Variants in DOCK2 observed in about 807,000 individuals in gnomAD.
DOCK2 encodes dedicator of cytokinesis protein 2.
DOCK2 carries 87 observed loss-of-function variants against 248.9 expected under a neutral mutation model. That is an observed-to-expected ratio of 0.35 (90% CI 0.29 to 0.42). The LOEUF (loss-of-function observed/expected upper bound fraction) is 0.42, where lower values mean the gene tolerates loss of function less well. Ranked by LOEUF, DOCK2 falls within the 10% of genes least tolerant of loss-of-function variation. The pLI, the probability that DOCK2 is intolerant of heterozygous loss-of-function variation, is 1.00. For synonymous variants in DOCK2, 805 were observed against 821.6 expected, an observed-to-expected ratio of 0.98 and a Z score of 0.35; for missense variants, 1,747 against 2,300.2, an observed-to-expected ratio of 0.76 and a Z score of 4.92.
chr5:169,838,634 G>A (rs1024841783), intron 26 of DOCK2, among the ~76,000 whole-genome samples: 2 of 152,212 alleles, frequency 1.3e-5, no homozygotes, highest in African/African-American at 4.8e-5. Flanking sequence ...TGAGTGTCAG[G>A]AGTAGAAAGG....
At chr5:169,737,528 C>G (rs987385650) in intron 22 of DOCK2, among the ~76,000 whole-genome samples, 4 of 152,088 alleles carry the variant, frequency 2.6e-5, no homozygotes, top group African/African-American at 9.7e-5. Context: ...TTGACTGAAG[C>G]CTGGAAACCC....
Position 170,077,707 on chromosome 5 carries a change from C to T in DOCK2, c.4867-3C>T, listed in dbSNP as rs751682120. The T allele has an allele frequency of 1.9e-6, 3 of 1,613,720 alleles. No homozygotes were observed. Among genetic ancestry groups the T allele is most frequent in the Non-Finnish European group, 1.7e-6 (2 of 1,179,820 alleles). On this transcript the variant is annotated splice_polypyrimidine_tract_variant and splice_region_variant and intron_variant, in intron 47 of 51. Transcript: ENST00000520908. ...TGCTAACCACCCTGTTCTCCCACCA[C>T]AGCCTGACTTTGACGACAGGAGAGT...
chr5:169,965,200 C>A (rs1777251970), intron 27 of DOCK2, among the ~76,000 whole-genome samples: 1 of 152,216 alleles, frequency 6.6e-6, no homozygotes, highest in Non-Finnish European at 1.5e-5. Flanking sequence ...CCACTGTGTG[C>A]TAAGGCAATG....
intron 25 of DOCK2, among the ~76,000 whole-genome samples, chr5:169,780,229 G>C (rs1765625002): frequency 6.6e-6 from 1 of 151,898 alleles, no homozygotes. Context: ...TCTGCTCTAT[G>C]ACTGAGGAGG....
chr5:170,039,844 C>T (rs1756455002), intron 36 of DOCK2, among the ~76,000 whole-genome samples: 1 of 152,190 alleles, frequency 6.6e-6, no homozygotes, highest in Non-Finnish European at 1.5e-5. Flanking sequence ...GGCAGGCATT[C>T]CCTGCCTCTC....
intron 20 of DOCK2, 151 bp downstream of exon 20, chr5:169,716,453 T>C: frequency 1.4e-6 from 1 of 701,464 alleles, no homozygotes. Context: ...AGACCAATAA[T>C]GAGCTGCTAT....
chr5:169,893,833 A>C (rs1025641074), intron 27 of DOCK2, among the ~76,000 whole-genome samples: 1 of 152,174 alleles, frequency 6.6e-6, no homozygotes, highest in East Asian at 1.9e-4. Context: ...CACATGGGAG[A>C]GGGATCCAGT....
intron 27 of DOCK2, chr5:169,884,137 T>C (rs1281354107): frequency 2.7e-6 from 1 of 368,584 alleles, no homozygotes; most frequent in African/African-American, 2.1e-5. Flanking sequence ...GTAGTCATAA[T>C]TGCTCCTTGG....
At chr5:169,956,277 C>T (rs1776862305) in intron 27 of DOCK2, among the ~76,000 whole-genome samples, 1 of 152,198 alleles carries the variant, frequency 6.6e-6, no homozygotes, top group Admixed American at 6.5e-5. Flanking sequence ...AGAACATTCT[C>T]AGAGATAGTT....
At chr5:169,749,189 AT>A in intron 23 of DOCK2, among the ~76,000 whole-genome samples, 1 of 152,368 alleles carries the variant, frequency 6.6e-6, no homozygotes, top group East Asian at 1.9e-4. Context: ...GGTGGAAAGC[AT>A]CATTGGTTTT....
intron 26 of DOCK2, among the ~76,000 whole-genome samples, chr5:169,840,152 G>A (rs181325172): frequency 2.6e-5 from 4 of 152,308 alleles, no homozygotes; most frequent in African/African-American, 9.6e-5. Context: ...GAGGCCTCGG[G>A]ACACTTTTAC....
chr5:170,048,110 G>T (rs112038711), intron 40 of DOCK2, among the ~76,000 whole-genome samples: 299 of 152,198 alleles, frequency 2.0e-3, no homozygotes, highest in African/African-American at 6.5e-3. Flanking sequence ...AACAATAATG[G>T]TCCAGGCATG....
At position 170,042,076 on chromosome 5, in the gene DOCK2, C is replaced by T. The variant is rs377233075; in HGVS notation, c.3820C>T (p.Arg1274Trp). ...QTGQQHPQTH[R>W]QLKETLYETI... is the part of the protein sequence containing the mutation. ...AGGCCAGCAGCACCCCCAGACACAC[C>T]GGCAGCTGAAGGAGACGCTCTACGA... Residue 1274 changes from arginine (R) to tryptophan (W), a missense_variant, in exon 38 of 52, where the codon CGG (arginine) becomes TGG (tryptophan). Coordinates refer to ENST00000520908, the MANE Select transcript of DOCK2 (RefSeq NM_004946.3). The T allele has an allele frequency of 1.5e-5, 24 of 1,613,412 alleles. No individual in the cohort carries two copies. The highest frequency in any genetic ancestry group is 1.6e-4 in the Middle Eastern group (1 of 6,080).
chr5:169,995,895 C>T (rs566502861), intron 29 of DOCK2, among the ~76,000 whole-genome samples, 191 bp from the exon 30 acceptor site: 2 of 152,342 alleles, frequency 1.3e-5, no homozygotes, highest in South Asian at 4.1e-4. Context: ...TTATTGAGTT[C>T]TTGCAAGGCA....
intron 27 of DOCK2, among the ~76,000 whole-genome samples, chr5:169,910,967 T>C (rs943792870): frequency 6.6e-6 from 1 of 152,132 alleles, no homozygotes; most frequent in Non-Finnish European, 1.5e-5. Context: ...ATGAGCCACT[T>C]GGAAGTGAGA....
chr5:170,069,213 C>T lies in DOCK2; in HGVS notation c.4721C>T (p.Ala1574Val). The stretch of plus-strand genomic sequence containing the variant: ...CTGACCCACCTCAAGGACCTGATTG[C>T]ATGGCAGGTGAGGCAGCGCTGGCCA... ...DKLTHLKDLI[A>V]WQIPFLGAGI... Residue 1574 changes from alanine to valine, a missense_variant, in exon 46 of 52, where the codon GCA becomes GTA. Ala to Val is a moderately conservative substitution (Grantham distance 64). This residue lies in a region of DOCK2 where 513 missense variants were observed against 586.1 expected (regional missense o/e 0.88). Transcript: ENST00000520908. The T allele has an allele frequency of 6.2e-7, 1 of 1,613,922 alleles. No homozygotes were observed. Among genetic ancestry groups the T allele is most frequent in the Non-Finnish European group, 8.5e-7 (1 of 1,179,880 alleles).
chr5:169,797,290 A>G lies in DOCK2; in HGVS notation c.2555-5768A>G, dbSNP rs573463768. Among the ~76,000 whole-genome samples the G allele has an allele frequency of 9.9e-4, 151 of 152,334 alleles. 1 individual carries two copies. The highest frequency in any genetic ancestry group is 3.5e-3 in the African/African-American group (147 of 41,574). ...AGCTGGATTGTGGCTGTGATTGCAGATGTGATTTTGGCTGGATGCACCTCA... is the reference window on the plus strand; with the variant it reads ...AGCTGGATTGTGGCTGTGATTGCAGGTGTGATTTTGGCTGGATGCACCTCA... On this transcript the variant is annotated intron_variant, in intron 25 of 51. Coordinates refer to ENST00000520908, the MANE Select transcript of DOCK2 (RefSeq NM_004946.3).
At position 169,667,964 on chromosome 5, in the gene DOCK2, T is replaced by G. The variant is rs576262890; in HGVS notation, c.128-1324T>G. On this transcript the variant is annotated intron_variant, in intron 2 of 51. Coordinates refer to ENST00000520908, the MANE Select transcript of DOCK2 (RefSeq NM_004946.3). ...CTTAGTGGAGATTTAGTTTTGGAGA[T>G]TTAGACATTGAGAAGTTGGAAATAT... Among the ~76,000 whole-genome samples, 33 of 152,332 alleles carry G rather than the reference T, an allele frequency of 2.2e-4. 2 individuals are homozygous for G. In the South Asian group the frequency reaches 6.6e-3, roughly 31 times the overall value.
chr5:169,946,316 A>T (rs1471753224), intron 27 of DOCK2, among the ~76,000 whole-genome samples: 1 of 152,140 alleles, frequency 6.6e-6, no homozygotes, highest in Non-Finnish European at 1.5e-5. Flanking sequence ...CATCTGAGGG[A>T]AGTGGTGTGT....
Sources: allele counts gnomAD v4.1 joint callset (sites outside exome capture counted in the v4.1 genomes callset), GRCh38; gene constraint gnomAD v4.1.1; regional missense constraint gnomAD v4.1.1; transcripts MANE v1.5; gene names NCBI Gene and HGNC (gene_info 2026-07-23, HGNC 2026-07-21).